RIMS1: variants seen among roughly 807,000 people sequenced by gnomAD.
RIMS1 encodes regulating synaptic membrane exocytosis protein 1.
A neutral mutation model predicts 214.1 loss-of-function variants in RIMS1; 83 were observed. The ratio of observed to expected loss-of-function variants is 0.39; its 90% CI spans 0.32 to 0.47. The LOEUF (loss-of-function observed/expected upper bound fraction) is 0.47, where lower values mean the gene tolerates loss of function less well. Among genes scored for constraint, RIMS1 ranks in the 20% least tolerant of loss-of-function variants. The probability of loss-of-function intolerance (pLI) is 0.99; values close to 1 mark genes in which losing one functional copy is unlikely to be tolerated. For missense variants in RIMS1, 2,050 were observed against 2,161.8 expected (o/e 0.95, Z 1.03); for synonymous variants, 793 against 786.8 (o/e 1.01, Z -0.13).
At chr6:72,322,709 T>C (rs1447957730) in intron 28 of RIMS1, among the ~76,000 whole-genome samples, 1 of 152,098 alleles carries the variant, frequency 6.6e-6, no homozygotes, top group East Asian at 1.9e-4. Flanking sequence ...AGGTAAGTGG[T>C]AAGTTCATCC....
chr6:72,070,570 A>C (rs1554211812), intron 2 of RIMS1, among the ~76,000 whole-genome samples: 3 of 152,224 alleles, frequency 2.0e-5, no homozygotes, highest in Non-Finnish European at 4.4e-5. Context: ...TGAATTTCTT[A>C]TTCTTAACAA....
At chr6:72,241,747 G>A (rs950813215) in intron 9 of RIMS1, among the ~76,000 whole-genome samples, 6 of 152,130 alleles carry the variant, frequency 3.9e-5, no homozygotes, top group African/African-American at 1.2e-4. Context: ...AGCTACCTGC[G>A]TTAACTGATG....
intron 6 of RIMS1, among the ~76,000 whole-genome samples, chr6:72,229,803 G>A (rs2061394540): frequency 6.6e-6 from 1 of 151,742 alleles, no homozygotes; most frequent in African/African-American, 2.4e-5. Flanking sequence ...GAATATCCCT[G>A]TAAAATATTA....
intron 29 of RIMS1, among the ~76,000 whole-genome samples, chr6:72,386,623 T>G (rs1439030486): frequency 6.6e-6 from 1 of 151,908 alleles, no homozygotes; most frequent in Non-Finnish European, 1.5e-5. Context: ...AGACCCTGGC[T>G]CCTTTTCAAA....
At chr6:72,210,981 A>G (rs2053707343) in intron 6 of RIMS1, among the ~76,000 whole-genome samples, 1 of 152,200 alleles carries the variant, frequency 6.6e-6, no homozygotes, top group South Asian at 2.1e-4. Flanking sequence ...GAAGACCTAA[A>G]GGGAAGTGCT....
chr6:72,087,406 G>T (rs1425833271), intron 2 of RIMS1, among the ~76,000 whole-genome samples: 1 of 152,220 alleles, frequency 6.6e-6, no homozygotes, highest in Non-Finnish European at 1.5e-5. Context: ...TAAGGTAGAT[G>T]CCTAATGATT....
chr6:72,309,701 C>G (rs1377575976), intron 27 of RIMS1, among the ~76,000 whole-genome samples: 2 of 151,838 alleles, frequency 1.3e-5, no homozygotes, highest in Non-Finnish European at 2.9e-5. Flanking sequence ...TGAATAGATA[C>G]TACTATGTTA....
At chr6:72,266,219 T>C in intron 22 of RIMS1, 170 bp downstream of exon 22, 1 of 660,054 alleles carries the variant, frequency 1.5e-6, no homozygotes, top group Non-Finnish European at 2.7e-6. Context: ...GATATGCGTA[T>C]GTGGATAAAC....
intron 2 of RIMS1, among the ~76,000 whole-genome samples, chr6:72,020,133 AAGTT>A (rs1814155545): frequency 1.3e-5 from 2 of 152,306 alleles, no homozygotes; most frequent in South Asian, 2.1e-4. Context: ...TAACATATCA[AAGTT>A]AGTTCTACAT....
intron 2 of RIMS1, among the ~76,000 whole-genome samples, chr6:71,972,259 C>A (rs1796040387): frequency 6.6e-6 from 1 of 152,002 alleles, no homozygotes; most frequent in Non-Finnish European, 1.5e-5. Context: ...CATATAGAGG[C>A]CATTGGTGGC....
At chr6:72,338,390 A>G (rs1030866989) in intron 29 of RIMS1, among the ~76,000 whole-genome samples, 6 of 152,022 alleles carry the variant, frequency 3.9e-5, no homozygotes, top group African/African-American at 7.2e-5. Flanking sequence ...AGGCAATGCC[A>G]TTCAGGACAT....
chr6:72,302,313 G>C (rs1592613846), intron 26 of RIMS1, among the ~76,000 whole-genome samples: 1 of 151,558 alleles, frequency 6.6e-6, no homozygotes, highest in Non-Finnish European at 1.5e-5. Context: ...TGTGGGCAGA[G>C]ACTAGTATTG....
chr6:72,160,891 G>C (rs887783389), intron 4 of RIMS1, among the ~76,000 whole-genome samples: 1 of 140,128 alleles, frequency 7.1e-6, no homozygotes, highest in Non-Finnish European at 1.6e-5. Flanking sequence ...GATGATGCTG[G>C]CCTCATAAAA....
At chr6:72,229,937 A>G (rs1237756357) in intron 6 of RIMS1, among the ~76,000 whole-genome samples, 1 of 151,780 alleles carries the variant, frequency 6.6e-6, no homozygotes, top group Non-Finnish European at 1.5e-5. Flanking sequence ...TATTCTTAGA[A>G]CTCAGTTGGC....
intron 1 of RIMS1, among the ~76,000 whole-genome samples, 195 bp from the exon 2 acceptor site, chr6:71,968,788 G>T (rs1043946007): frequency 3.9e-5 from 6 of 152,130 alleles, no homozygotes; most frequent in African/African-American, 7.2e-5. Flanking sequence ...ATTTTATTCG[G>T]GTATAATTGA....
chr6:72,355,688 T>G lies in RIMS1; in HGVS notation c.4366+21853T>G, dbSNP rs554613211. Among the ~76,000 whole-genome samples the G allele has an allele frequency of 1.6e-3, 237 of 152,292 alleles. 1 individual carries two copies. The highest frequency in any genetic ancestry group is 5.1e-3 in the African/African-American group (213 of 41,566). On this transcript the variant is annotated intron_variant, in intron 29 of 33. Coordinates refer to ENST00000521978, the MANE Select transcript of RIMS1 (RefSeq NM_014989.7). ...TCCACCTCCTATTCTGCATGATATT[T>G]TAATAAACATACATGTCTCCCATCT...
intron 2 of RIMS1, among the ~76,000 whole-genome samples, chr6:72,070,781 T>C (rs994876264): frequency 6.6e-6 from 1 of 151,918 alleles, no homozygotes; most frequent in Admixed American, 6.6e-5. Flanking sequence ...TGGAGGGAGG[T>C]TTTTGTGCAT....
intron 5 of RIMS1, among the ~76,000 whole-genome samples, chr6:72,180,676 A>C (rs1250414366): frequency 6.6e-6 from 1 of 152,232 alleles, no homozygotes; most frequent in African/African-American, 2.4e-5. Context: ...GTTGACAAAG[A>C]AGACAGAGCC....
In RIMS1 at chr6:72,336,919, C is replaced by T. The variant is rs191514901; in HGVS notation, c.4366+3084C>T. Among the ~76,000 whole-genome samples, 205 of 151,810 alleles carry T rather than the reference C, an allele frequency of 1.4e-3. 1 individual carries two copies. Among genetic ancestry groups the T allele is most frequent in the African/African-American group, 4.6e-3 (192 of 41,492 alleles). On this transcript the variant is annotated intron_variant, in intron 29 of 33. Coordinates refer to ENST00000521978, the MANE Select transcript of RIMS1 (RefSeq NM_014989.7). ...TCAGAATTATTCTAAGAAATGTTAG[C>T]TTTTATTGCTTCAGATTCTGCATTG...
Sources: gnomAD v4.1 joint callset for allele counts (sites outside exome capture counted in the v4.1 genomes callset) on GRCh38, gnomAD v4.1.1 for gene constraint, MANE v1.5 for transcripts, NCBI Gene and HGNC (gene_info 2026-07-23, HGNC 2026-07-21) for gene names.